ZNF804B: variants seen among roughly 807,000 people sequenced by gnomAD.
ZNF804B encodes the protein zinc finger 804B.
Under a neutral mutation model 101.4 loss-of-function variants are expected in ZNF804B, and 80 were observed. The observed-to-expected ratio is 0.79, with a 90% CI of 0.66 to 0.95. The LOEUF is 0.95. Ranked by LOEUF, ZNF804B falls within the 40% of genes least tolerant of loss-of-function variation. ZNF804B has a pLI of 0.00. For synonymous variants in ZNF804B, 622 were observed against 558.8 expected (o/e 1.11, Z -1.59); for missense variants, 1,673 against 1,561.9 (o/e 1.07, Z -1.20).
At chr7:88,780,052 A>G (rs1314339731) in intron 1 of ZNF804B, among the ~76,000 whole-genome samples, 2 of 152,328 alleles carry the variant, frequency 1.3e-5, no homozygotes, top group South Asian at 4.1e-4. Flanking sequence ...AAATTAAAAG[A>G]TAAAACTTAT....
At chr7:89,160,116 G>T (rs1791036819) in intron 1 of ZNF804B, among the ~76,000 whole-genome samples, 1 of 152,088 alleles carries the variant, frequency 6.6e-6, no homozygotes, top group Non-Finnish European at 1.5e-5. Flanking sequence ...ATATTCCATT[G>T]TTAAACATAC....
chr7:88,845,870 G>T (rs575412186), intron 1 of ZNF804B, among the ~76,000 whole-genome samples: 1 of 152,110 alleles, frequency 6.6e-6, no homozygotes, highest in East Asian at 1.9e-4. Context: ...CAGTTCTTAG[G>T]TTATAATAAG....
chr7:89,139,351 T>C (rs1790683397), intron 1 of ZNF804B, among the ~76,000 whole-genome samples: 2 of 152,128 alleles, frequency 1.3e-5, no homozygotes, highest in Non-Finnish European at 2.9e-5. Context: ...TTAAAGGTTG[T>C]GGTGGCTGTG....
At chr7:88,823,145 G>A (rs1302032819) in intron 1 of ZNF804B, among the ~76,000 whole-genome samples, 2 of 152,152 alleles carry the variant, frequency 1.3e-5, no homozygotes, top group African/African-American at 4.8e-5. Context: ...GGGAGGCAGA[G>A]GTTGCAATGA....
chr7:89,077,227 G>A (rs1289702562), intron 1 of ZNF804B, among the ~76,000 whole-genome samples: 2 of 152,184 alleles, frequency 1.3e-5, no homozygotes, highest in Admixed American at 1.3e-4. Flanking sequence ...GAGAAATTCA[G>A]AAGTGGAGGG....
intron 1 of ZNF804B, among the ~76,000 whole-genome samples, chr7:89,053,147 C>T (rs762316819): frequency 2.0e-5 from 3 of 152,112 alleles, no homozygotes; most frequent in South Asian, 2.1e-4. Flanking sequence ...TTGTAAAAGA[C>T]GTTCTGGTTG....
chr7:88,929,296 C>G (rs147671277), intron 1 of ZNF804B, among the ~76,000 whole-genome samples: 77 of 150,570 alleles, frequency 5.1e-4, no homozygotes, highest in Non-Finnish European at 8.6e-4. Context: ...AGAGTCCAGT[C>G]AAAAAATCTT....
intron 1 of ZNF804B, among the ~76,000 whole-genome samples, chr7:88,776,925 G>A (rs933022333): frequency 1.3e-5 from 2 of 152,148 alleles, no homozygotes; most frequent in Middle Eastern, 3.4e-3. Context: ...ATTGTTTACC[G>A]ATGTGTTAAA....
chr7:88,922,035 G>A (rs1034310992), intron 1 of ZNF804B, among the ~76,000 whole-genome samples: 8 of 151,856 alleles, frequency 5.3e-5, no homozygotes, highest in Non-Finnish European at 1.2e-4. Flanking sequence ...GCACTTTGTG[G>A]GAACAGTCGG....
intron 1 of ZNF804B, among the ~76,000 whole-genome samples, chr7:89,190,295 A>G (rs975037873): frequency 1.3e-5 from 2 of 150,724 alleles, no homozygotes; most frequent in African/African-American, 4.9e-5. Context: ...AGATCGTGCC[A>G]TTTCACTCCA....
At chr7:89,266,020 G>A (rs540790438) in intron 2 of ZNF804B, among the ~76,000 whole-genome samples, 1 of 152,330 alleles carries the variant, frequency 6.6e-6, no homozygotes, top group African/African-American at 2.4e-5. Context: ...ATTAATGAAA[G>A]TATTCTGCTA....
At position 88,893,653 on chromosome 7, in the gene ZNF804B, G is replaced by A. The variant is rs991200180; in HGVS notation, c.108+133569G>A. On this transcript the variant is annotated intron_variant, in intron 1 of 3. Coordinates refer to ENST00000333190, the MANE Select transcript of ZNF804B (RefSeq NM_181646.5). ...TGGCTGCCAAAGGTAATAGGCATAAGGAAACTTAATAAGGAAAAACACTCA... is the reference window on the plus strand; with the variant it reads ...TGGCTGCCAAAGGTAATAGGCATAAAGAAACTTAATAAGGAAAAACACTCA... Among the ~76,000 whole-genome samples the A allele has an allele frequency of 2.8e-4, 43 of 152,076 alleles. 2 individuals carry two copies. Among genetic ancestry groups the A allele is most frequent in the Non-Finnish European group, 5.9e-5 (4 of 68,000 alleles).
In ZNF804B at chr7:89,335,784, C is replaced by A; in HGVS notation, c.2802C>A (p.Ala934=). The change falls in exon 4 of 4, where the codon GCC becomes GCA. Residue 934 remains alanine, a synonymous_variant. Transcript: ENST00000333190. The part of the protein sequence containing the change: ...TAKILLERVQ[A]KKCQEQSSNV... ...AAATCCTTTTAGAAAGAGTACAAGC[C>A]AAGAAATGTCAAGAACAATCAAGTA... is the stretch of plus-strand genomic sequence containing the variant. The A allele has an allele frequency of 6.2e-7, 1 of 1,613,914 alleles. No homozygotes were observed. The highest frequency in any genetic ancestry group is 8.5e-7 in the Non-Finnish European group (1 of 1,179,930).
intron 1 of ZNF804B, among the ~76,000 whole-genome samples, chr7:89,112,555 G>A (rs568715093): frequency 2.6e-5 from 4 of 152,112 alleles, no homozygotes; most frequent in Non-Finnish European, 5.9e-5. Context: ...GTTTTTGTCA[G>A]TCTTCCAACT....
chr7:88,895,175 T>C (rs1453211796), intron 1 of ZNF804B, among the ~76,000 whole-genome samples: 1 of 152,232 alleles, frequency 6.6e-6, no homozygotes, highest in African/African-American at 2.4e-5. Context: ...AAACTGTATA[T>C]AACTACTAGG....
At chr7:89,041,673 T>C (rs1049014975) in intron 1 of ZNF804B, among the ~76,000 whole-genome samples, 1 of 152,186 alleles carries the variant, frequency 6.6e-6, no homozygotes, top group Non-Finnish European at 1.5e-5. Context: ...TAACATCAGG[T>C]ATTCACTTCC....
At chr7:89,157,459 A>G (rs1360590628) in intron 1 of ZNF804B, among the ~76,000 whole-genome samples, 1 of 152,164 alleles carries the variant, frequency 6.6e-6, no homozygotes, top group Non-Finnish European at 1.5e-5. Context: ...GTCATCTACC[A>G]ATATAATGGC....
At chr7:88,771,910 C>A (rs1414736310) in intron 1 of ZNF804B, among the ~76,000 whole-genome samples, 1 of 151,924 alleles carries the variant, frequency 6.6e-6, no homozygotes, top group Non-Finnish European at 1.5e-5. Context: ...AGGAAAGAAA[C>A]CTGTAGCTTG....
chr7:88,814,405 A>G (rs1489689013), intron 1 of ZNF804B, among the ~76,000 whole-genome samples: 1 of 151,596 alleles, frequency 6.6e-6, no homozygotes, highest in Non-Finnish European at 1.5e-5. Flanking sequence ...CTTTCTAGTC[A>G]TAGAACCATA....
Sources: allele counts gnomAD v4.1 joint callset (sites outside exome capture counted in the v4.1 genomes callset), GRCh38; gene constraint gnomAD v4.1.1; transcripts MANE v1.5; gene names NCBI Gene and HGNC (gene_info 2026-07-23, HGNC 2026-07-21).